MACROD2: variants seen among roughly 807,000 people sequenced by gnomAD.
MACROD2 encodes ADP-ribose glycohydrolase MACROD2.
A neutral mutation model predicts 70.4 loss-of-function variants in MACROD2; 36 were observed. The observed-to-expected ratio is 0.51, with a 90% CI of 0.39 to 0.68. The LOEUF (loss-of-function observed/expected upper bound fraction) is 0.68, where lower values mean the gene tolerates loss of function less well. MACROD2 is among the 30% of genes least tolerant of loss of function. The pLI is 0.00. For synonymous variants in MACROD2, 172 were observed against 178.8 expected (o/e 0.96, Z 0.30); for missense variants, 496 against 538.4 (o/e 0.92, Z 0.78).
chr20:13,996,064 G>A (rs2052639833), intron 1 of MACROD2, among the ~76,000 whole-genome samples: 1 of 152,170 alleles, frequency 6.6e-6, no homozygotes, highest in Admixed American at 6.5e-5. Flanking sequence ...TCGGCACCCC[G>A]TCACCTTCTC....
At chr20:15,887,009 T>C (rs1192599212) in intron 10 of MACROD2, among the ~76,000 whole-genome samples, 2 of 152,110 alleles carry the variant, frequency 1.3e-5, no homozygotes, top group Non-Finnish European at 2.9e-5. Context: ...GTTCTGACCA[T>C]GAAAGAGGTA....
intron 8 of MACROD2, among the ~76,000 whole-genome samples, chr20:15,841,800 A>T (rs1568591657): frequency 6.6e-6 from 1 of 152,238 alleles, no homozygotes; most frequent in East Asian, 1.9e-4. Context: ...GATTCTGGTG[A>T]CAGTTTATTA....
At chr20:14,858,519 G>T (rs1011954649) in intron 5 of MACROD2, among the ~76,000 whole-genome samples, 4 of 152,110 alleles carry the variant, frequency 2.6e-5, no homozygotes, top group African/African-American at 9.7e-5. Context: ...AAAACAGATA[G>T]TCCTTATGAT....
At chr20:14,872,141 C>T (rs138743688) in intron 5 of MACROD2, among the ~76,000 whole-genome samples, 1 of 152,196 alleles carries the variant, frequency 6.6e-6, no homozygotes, top group East Asian at 1.9e-4. Context: ...ATATTCAGAT[C>T]TGAACTCATT....
chr20:15,493,148 G>C (rs1284211290), intron 7 of MACROD2, among the ~76,000 whole-genome samples: 1 of 152,148 alleles, frequency 6.6e-6, no homozygotes, highest in Non-Finnish European at 1.5e-5. Flanking sequence ...TTTTAGATTT[G>C]TGAGTTTCGC....
intron 8 of MACROD2, among the ~76,000 whole-genome samples, chr20:15,663,232 ATTT>A (rs34234600): frequency 0.1 from 13,462 of 129,634 alleles, 779 homozygotes; most frequent in African/African-American, 0.2. Context: ...TCAGAATTTG[ATTT>A]TTTTTTTTTT....
At chr20:15,978,803 A>G (rs2066351974) in intron 13 of MACROD2, among the ~76,000 whole-genome samples, 2 of 152,212 alleles carry the variant, frequency 1.3e-5, no homozygotes, top group Admixed American at 1.3e-4. Flanking sequence ...ATATATCCCT[A>G]AATGAGGAAA....
At chr20:15,736,858 C>G (rs1161496754) in intron 8 of MACROD2, among the ~76,000 whole-genome samples, 1 of 152,164 alleles carries the variant, frequency 6.6e-6, no homozygotes, top group African/African-American at 2.4e-5. Flanking sequence ...TGGAACCACT[C>G]TCCCATTGAT....
intron 3 of MACROD2, among the ~76,000 whole-genome samples, chr20:14,197,882 C>T (rs1844482806): frequency 6.6e-6 from 1 of 152,036 alleles, no homozygotes; most frequent in Non-Finnish European, 1.5e-5. Context: ...AATTTGTGTG[C>T]ATGTGTATAG....
At chr20:15,154,684 G>A (rs575906023) in intron 5 of MACROD2, among the ~76,000 whole-genome samples, 23 of 152,262 alleles carry the variant, frequency 1.5e-4, no homozygotes, top group Non-Finnish European at 2.8e-4. Flanking sequence ...GTTCTCTAGG[G>A]CTCTCTGTTA....
At chr20:14,300,971 A>G (rs768085158) in intron 3 of MACROD2, among the ~76,000 whole-genome samples, 21 of 152,362 alleles carry the variant, frequency 1.4e-4, no homozygotes, top group Middle Eastern at 3.4e-3. Flanking sequence ...TCTTAATAAT[A>G]GCTAAGATAT....
chr20:15,243,426 CAG>C (rs1755596748), intron 6 of MACROD2, among the ~76,000 whole-genome samples: 1 of 152,112 alleles, frequency 6.6e-6, no homozygotes, highest in African/African-American at 2.4e-5. Flanking sequence ...CTGGTCAGAG[CAG>C]AGTCATTTTG....
intron 3 of MACROD2, among the ~76,000 whole-genome samples, chr20:14,229,718 A>G (rs1323228197): frequency 2.0e-5 from 3 of 152,218 alleles, no homozygotes; most frequent in African/African-American, 7.2e-5. Context: ...ATTTACCCTG[A>G]GTTGAAGACT....
intron 2 of MACROD2, among the ~76,000 whole-genome samples, chr20:14,050,117 C>T (rs1036697517): frequency 6.6e-6 from 1 of 151,762 alleles, no homozygotes; most frequent in Non-Finnish European, 1.5e-5. Flanking sequence ...TCCAAACTGC[C>T]TGTAGTAGCT....
chr20:14,846,102 A>G (rs2073137519), intron 5 of MACROD2, among the ~76,000 whole-genome samples: 1 of 152,294 alleles, frequency 6.6e-6, no homozygotes, highest in South Asian at 2.1e-4. Flanking sequence ...AGTATTTCTG[A>G]TGTAGTTTAA....
intron 4 of MACROD2, among the ~76,000 whole-genome samples, chr20:14,566,046 C>G (rs754065218): frequency 1.6e-4 from 24 of 151,844 alleles, no homozygotes; most frequent in Non-Finnish European, 2.4e-4. Context: ...CTGCCAGGAC[C>G]CTGATACATT....
intron 8 of MACROD2, among the ~76,000 whole-genome samples, chr20:15,525,970 G>T (rs546055731): frequency 5.5e-4 from 83 of 152,192 alleles, no homozygotes; most frequent in African/African-American, 1.9e-3. Flanking sequence ...AATATTGATG[G>T]TTAGAAATAA....
At chr20:14,321,151 G>A (rs2082656515) in intron 3 of MACROD2, among the ~76,000 whole-genome samples, 1 of 151,972 alleles carries the variant, frequency 6.6e-6, no homozygotes, top group Non-Finnish European at 1.5e-5. Context: ...GATCACTTGA[G>A]GTTGGAAGTT....
intron 5 of MACROD2, among the ~76,000 whole-genome samples, chr20:15,014,929 A>C (rs2075110053): frequency 6.6e-6 from 1 of 151,730 alleles, no homozygotes; most frequent in African/African-American, 2.4e-5. Context: ...TTTTTATTGT[A>C]CTCTTTTGTA....
Sources: allele counts gnomAD v4.1 joint callset (sites outside exome capture counted in the v4.1 genomes callset), GRCh38; gene constraint gnomAD v4.1.1; transcripts MANE v1.5; gene names NCBI Gene and HGNC (gene_info 2026-07-23, HGNC 2026-07-21).